AAK1: variants seen among roughly 807,000 people sequenced by gnomAD.
AAK1 encodes AP2 associated kinase 1.
A neutral mutation model predicts 116.0 loss-of-function variants in AAK1; 37 were observed. The observed-to-expected ratio is 0.32, with a 90% CI of 0.25 to 0.42. The LOEUF is 0.42. Ranked by LOEUF, AAK1 falls within the 10% of genes least tolerant of loss-of-function variation. The probability of loss-of-function intolerance (pLI) is 1.00; values close to 1 mark genes in which losing one functional copy is unlikely to be tolerated. For missense variants in AAK1, 919 were observed against 1,170.6 expected (o/e 0.79, Z 3.14); for synonymous variants, 458 against 439.9 (o/e 1.04, Z -0.51).
At position 69,471,040 on chromosome 2, in the gene AAK1, A is replaced by C. The variant is rs1003797413; in HGVS notation, c.*4829T>G. ...TCAAATTTCACGTTTTTACTGCATA[A>C]GATATCTTCATGTACAACTGTATGC... On this transcript the variant is annotated 3_prime_UTR_variant, in exon 22 of 22. Transcript: ENST00000409085. The C allele has an allele frequency of 6.1e-6, 6 of 985,726 alleles. No individual in the cohort carries two copies. The highest frequency in any genetic ancestry group is 6.0e-6 in the Non-Finnish European group (5 of 829,940). The allele number at this position is 985,726 out of a possible 1,614,324, so 61.1% of individuals were successfully genotyped here.
chr2:69,499,907 T>C (rs1253025777), intron 16 of AAK1: 1 of 152,218 alleles, frequency 6.6e-6, no homozygotes, highest in Non-Finnish European at 1.5e-5. Flanking sequence ...TTGGGCCTTA[T>C]TCATTTCTCC....
At position 69,458,296 on chromosome 2, in the gene AAK1, G is replaced by C. The variant is rs944062314; in HGVS notation, c.*17573C>G. The C allele has an allele frequency of 2.0e-5, 3 of 151,562 alleles. No individual in the cohort carries two copies. Among genetic ancestry groups the C allele is most frequent in the Admixed American group, 6.5e-5 (1 of 15,268 alleles). The allele number at this position is 151,562 out of a possible 1,614,324, so 9.4% of individuals were successfully genotyped here. ...GTCCATTCCAAATAGTCAGCAGAGG[G>C]AGTTCACCTCTTCTCCACGGAATGA... On this transcript the variant is annotated 3_prime_UTR_variant, in exon 22 of 22. Transcript: ENST00000409085.
intron 2 of AAK1, among the ~76,000 whole-genome samples, chr2:69,584,606 C>A (rs1050606998): frequency 2.6e-5 from 4 of 152,120 alleles, no homozygotes; most frequent in Non-Finnish European, 5.9e-5. Flanking sequence ...TCAAGCTAAA[C>A]GTTACATCAC....
intron 2 of AAK1, among the ~76,000 whole-genome samples, chr2:69,599,380 A>C (rs1411255676): frequency 1.1e-5 from 1 of 94,400 alleles, no homozygotes; most frequent in Non-Finnish European, 1.8e-5. Context: ...AGTTCTGTGT[A>C]AAAAAAAAAA....
chr2:69,608,941 T>C (rs1201221991), intron 2 of AAK1, among the ~76,000 whole-genome samples: 1 of 151,870 alleles, frequency 6.6e-6, no homozygotes, highest in Admixed American at 6.6e-5. Context: ...ACACCGAAAA[T>C]GATAAAACAA....
chr2:69,510,297 C>T (rs530851506), intron 13 of AAK1, among the ~76,000 whole-genome samples: 1 of 152,294 alleles, frequency 6.6e-6, no homozygotes, highest in African/African-American at 2.4e-5. Flanking sequence ...AGTGCATGTG[C>T]TATTTGGTTT....
At chr2:69,578,719 C>T (rs1672418967) in intron 2 of AAK1, among the ~76,000 whole-genome samples, 1 of 152,096 alleles carries the variant, frequency 6.6e-6, no homozygotes, top group Non-Finnish European at 1.5e-5. Flanking sequence ...AGAAATTGTT[C>T]CCTCTCTACT....
At chr2:69,604,764 C>T (rs1024910603) in intron 2 of AAK1, among the ~76,000 whole-genome samples, 2 of 152,122 alleles carry the variant, frequency 1.3e-5, no homozygotes, top group African/African-American at 4.8e-5. Context: ...TCTGGCACTG[C>T]TTCTCCCGGG....
intron 18 of AAK1, chr2:69,481,524 A>G (rs1675086350): frequency 6.6e-6 from 1 of 152,478 alleles, no homozygotes; most frequent in Non-Finnish European, 1.5e-5. Flanking sequence ...CTTTTGCACC[A>G]CGTGACACCC....
Position 69,467,446 on chromosome 2 carries a change from T to C in AAK1, c.*8423A>G, listed in dbSNP as rs1674525941. ...AAGAAATATTAGCAGGTTAGAAGTA[T>C]GTCATTGGGCACATGTTAGCAAGAG... On this transcript the variant is annotated 3_prime_UTR_variant, in exon 22 of 22. Transcript: ENST00000409085. The C allele has an allele frequency of 6.1e-6, 6 of 985,228 alleles. No homozygotes were observed. The highest frequency in any genetic ancestry group is 7.2e-6 in the Non-Finnish European group (6 of 829,920). 61.0% of individuals were successfully genotyped at this position (985,228 alleles called of 1,614,324 possible).
Position 69,470,755 on chromosome 2 carries a change from C to A in AAK1, c.*5114G>T. 1 of 985,724 alleles carries A rather than the reference C, an allele frequency of 1.0e-6. No homozygotes were observed. The allele number at this position is 985,724 out of a possible 1,614,324, so 61.1% of individuals were successfully genotyped here. A position where few individuals can be genotyped will look rare whatever the true frequency, so the allele number is the denominator to read the frequency against. On this transcript the variant is annotated 3_prime_UTR_variant, in exon 22 of 22. Coordinates refer to ENST00000409085, the MANE Select transcript of AAK1 (RefSeq NM_014911.5). ...ACAGGGGTTTTACTCTCTCAGGTAG[C>A]CATGATTCATTAATATGTCCTCAGT...
chr2:69,508,335 A>G (rs1031397608), intron 14 of AAK1, among the ~76,000 whole-genome samples: 28 of 152,208 alleles, frequency 1.8e-4, no homozygotes, highest in Admixed American at 6.5e-5. Flanking sequence ...CATCACAATT[A>G]AAAAGAAATA....
rs1046168300 is a variant in AAK1 at position 69,470,023 on chromosome 2, T to A, written c.*5846A>T. 2 of 985,306 alleles carry A rather than the reference T, an allele frequency of 2.0e-6. No individual in the cohort carries two copies. Among genetic ancestry groups the A allele is most frequent in the African/African-American group, 3.5e-5 (2 of 57,240 alleles). 61.0% of individuals were successfully genotyped at this position (985,306 alleles called of 1,614,324 possible). A position where few individuals can be genotyped will look rare whatever the true frequency, so the allele number is the denominator to read the frequency against. The stretch of plus-strand genomic sequence containing the variant: ...ACCCAAAGTGCTGAATCATTTAGGA[T>A]GGGTTTCCCCTGGAAACTCCATCTG... On this transcript the variant is annotated 3_prime_UTR_variant, in exon 22 of 22. Transcript: ENST00000409085.
chr2:69,559,500 T>G (rs1474672686), intron 2 of AAK1, among the ~76,000 whole-genome samples: 2 of 152,210 alleles, frequency 1.3e-5, no homozygotes, highest in Admixed American at 6.5e-5. Flanking sequence ...ATTACAAAAT[T>G]TCTATGTATG....
At chr2:69,587,862 T>A (rs1447645521) in intron 2 of AAK1, among the ~76,000 whole-genome samples, 4 of 152,042 alleles carry the variant, frequency 2.6e-5, no homozygotes, top group African/African-American at 9.7e-5. Context: ...TCTTCCTACC[T>A]TGGCCTCCCA....
intron 14 of AAK1, among the ~76,000 whole-genome samples, 197 bp from the exon 15 acceptor site, chr2:69,507,775 C>T (rs1054330154): frequency 2.0e-5 from 3 of 150,414 alleles, no homozygotes; most frequent in Admixed American, 1.3e-4. Flanking sequence ...GGCGTGATCT[C>T]GACTCACTGC....
intron 3 of AAK1, among the ~76,000 whole-genome samples, chr2:69,550,904 C>T (rs982337247): frequency 4.6e-5 from 7 of 152,202 alleles, no homozygotes; most frequent in Non-Finnish European, 1.0e-4. Flanking sequence ...GCGTGAGCCA[C>T]AGTGCCCAGC....
intron 13 of AAK1, among the ~76,000 whole-genome samples, chr2:69,511,422 G>A (rs898875802): frequency 6.6e-6 from 1 of 152,300 alleles, no homozygotes; most frequent in Middle Eastern, 3.4e-3. Flanking sequence ...AGGTTAGAAG[G>A]GTAACAAAGC....
At chr2:69,617,653 C>T (rs1382945315) in intron 2 of AAK1, among the ~76,000 whole-genome samples, 1 of 152,114 alleles carries the variant, frequency 6.6e-6, no homozygotes, top group Non-Finnish European at 1.5e-5. Flanking sequence ...GAGGTATGTG[C>T]CACATGCTTG....
Sources: gnomAD v4.1 joint callset for allele counts (sites outside exome capture counted in the v4.1 genomes callset) on GRCh38, gnomAD v4.1.1 for gene constraint, MANE v1.5 for transcripts, NCBI Gene and HGNC (gene_info 2026-07-23, HGNC 2026-07-21) for gene names.